Variants in MAF observed in about 807,000 individuals in gnomAD.
The protein encoded by MAF is transcription factor Maf.
MAF carries 10 observed loss-of-function variants against 22.0 expected under a neutral mutation model. The observed-to-expected ratio is 0.45, with a 90% CI of 0.28 to 0.77. The LOEUF (loss-of-function observed/expected upper bound fraction) is 0.77. MAF is among the 30% of genes least tolerant of loss of function. The probability of loss-of-function intolerance (pLI) is 0.12; values close to 1 mark genes in which losing one functional copy is unlikely to be tolerated. For missense variants in MAF, 544 were observed against 548.4 expected (o/e 0.99, Z 0.08); for synonymous variants, 337 against 255.8 (o/e 1.32, Z -3.03).
the MAF span, among the ~76,000 whole-genome samples, chr16:79,219,318 G>A: frequency 1.3e-5 from 2 of 152,148 alleles, no homozygotes; most frequent in East Asian, 3.9e-4. Flanking sequence ...TTTTTATAAA[G>A]CACCATTTCC....
chr16:79,351,877 T>A, the MAF span, among the ~76,000 whole-genome samples: 1 of 152,154 alleles, frequency 6.6e-6, no homozygotes, highest in Non-Finnish European at 1.5e-5. Context: ...CAGGGCTGCC[T>A]TTTTCACTTT....
At chr16:79,590,012 C>G (rs566052521), downstream of MAF, among the ~76,000 whole-genome samples, 1 of 152,156 alleles carries the variant, frequency 6.6e-6, no homozygotes, top group Non-Finnish European at 1.5e-5. Flanking sequence ...TCGGGACCCG[C>G]CCCCTCTGTC....
the MAF span, among the ~76,000 whole-genome samples, chr16:79,281,603 C>T: frequency 7.2e-6 from 1 of 139,682 alleles, no homozygotes. Context: ...GGCTGGAGTG[C>T]AGTGGCGCCA....
the MAF span, among the ~76,000 whole-genome samples, chr16:79,509,610 G>T: frequency 2.6e-5 from 4 of 152,224 alleles, no homozygotes; most frequent in Admixed American, 6.5e-5. Flanking sequence ...GCCAGCACAG[G>T]GCAGGAAAGA....
the MAF span, among the ~76,000 whole-genome samples, chr16:79,561,313 T>C: frequency 6.8e-6 from 1 of 146,618 alleles, no homozygotes; most frequent in Non-Finnish European, 1.5e-5. Flanking sequence ...GAAGTTTTCT[T>C]TCTTTTTTTT....
At chr16:79,305,443 G>A in the MAF span, among the ~76,000 whole-genome samples, 3 of 152,148 alleles carry the variant, frequency 2.0e-5, no homozygotes, top group Non-Finnish European at 2.9e-5. Context: ...CCTCCCTGGG[G>A]CTTGTGGGGA....
chr16:79,305,224 G>T, the MAF span, among the ~76,000 whole-genome samples: 1 of 152,228 alleles, frequency 6.6e-6, no homozygotes, highest in African/African-American at 2.4e-5. Context: ...CTTGGGCTCA[G>T]TGATGAATAA....
chr16:79,253,679 A>T, the MAF span, among the ~76,000 whole-genome samples: 2 of 151,356 alleles, frequency 1.3e-5, no homozygotes, highest in East Asian at 3.9e-4. Flanking sequence ...CTTTCCTTGC[A>T]TCTCTTTGTC....
chr16:79,392,714 C>A, the MAF span, among the ~76,000 whole-genome samples: 41 of 152,218 alleles, frequency 2.7e-4, no homozygotes, highest in Admixed American at 9.8e-4. Context: ...TGAAACTCAG[C>A]CCACACCGCC....
At chr16:79,221,504 T>C in the MAF span, among the ~76,000 whole-genome samples, 1 of 152,226 alleles carries the variant, frequency 6.6e-6, no homozygotes, top group Non-Finnish European at 1.5e-5. Context: ...TCATGTTCAA[T>C]CTGAATAGCA....
chr16:79,465,576 G>C, the MAF span, among the ~76,000 whole-genome samples: 5 of 152,084 alleles, frequency 3.3e-5, no homozygotes, highest in Non-Finnish European at 7.4e-5. Context: ...CTCCAGCCCG[G>C]GTGACAGAGC....
chr16:79,285,861 C>A, the MAF span, among the ~76,000 whole-genome samples: 1 of 152,172 alleles, frequency 6.6e-6, no homozygotes, highest in Non-Finnish European at 1.5e-5. Context: ...CAGAAGGGAC[C>A]ACTGTTCCTA....
chr16:79,291,783 T>C, the MAF span, among the ~76,000 whole-genome samples: 3 of 146,282 alleles, frequency 2.1e-5, no homozygotes, highest in African/African-American at 7.7e-5. Context: ...ACATACTAGA[T>C]GGTAGGAACT....
At chr16:79,575,173 C>T in the MAF span, among the ~76,000 whole-genome samples, 1 of 152,074 alleles carries the variant, frequency 6.6e-6, no homozygotes, top group South Asian at 2.1e-4. Flanking sequence ...ATCCTACTCA[C>T]TCCTCTCTTC....
the MAF span, among the ~76,000 whole-genome samples, chr16:79,531,095 T>C: frequency 6.6e-6 from 1 of 152,244 alleles, no homozygotes; most frequent in Non-Finnish European, 1.5e-5. Flanking sequence ...TGTTAAAGTA[T>C]GTACTCTTAA....
chr16:79,411,166 G>T, the MAF span, among the ~76,000 whole-genome samples: 4 of 152,104 alleles, frequency 2.6e-5, no homozygotes, highest in Non-Finnish European at 5.9e-5. Flanking sequence ...TAATGTCCTT[G>T]ATTTTGTTCG....
the MAF span, among the ~76,000 whole-genome samples, chr16:79,555,476 T>A: frequency 2.0e-4 from 30 of 152,368 alleles, no homozygotes; most frequent in Admixed American, 2.0e-3. Flanking sequence ...TGCCAATTTC[T>A]GTAGCGTAAA....
At chr16:79,510,208 T>A in the MAF span, among the ~76,000 whole-genome samples, 1 of 152,194 alleles carries the variant, frequency 6.6e-6, no homozygotes, top group Non-Finnish European at 1.5e-5. Context: ...TAGAAGCACA[T>A]TGGCCCACAG....
the MAF span, among the ~76,000 whole-genome samples, chr16:79,379,329 GGT>G: frequency 5.3e-5 from 8 of 152,236 alleles, no homozygotes; most frequent in African/African-American, 1.9e-4. Context: ...TGTTGCCTTG[GGT>G]GTGTCAGCCC....
Sources: gnomAD v4.1 joint callset for allele counts (sites outside exome capture counted in the v4.1 genomes callset) on GRCh38, gnomAD v4.1.1 for gene constraint, MANE v1.5 for transcripts, NCBI Gene and HGNC (gene_info 2026-07-23, HGNC 2026-07-21) for gene names.